Variants in HERC3 observed in about 807,000 individuals in gnomAD.
The protein encoded by HERC3 is HECT and RLD domain containing E3 ubiquitin protein ligase 3.
A neutral mutation model predicts 129.9 loss-of-function variants in HERC3; 58 were observed. That is an observed-to-expected ratio of 0.45 (90% CI 0.36 to 0.56). The LOEUF (loss-of-function observed/expected upper bound fraction) is 0.56. Among genes scored for constraint, HERC3 ranks in the 20% least tolerant of loss-of-function variants. The probability of loss-of-function intolerance (pLI) is 0.00; values close to 1 mark genes in which losing one functional copy is unlikely to be tolerated. For synonymous variants in HERC3, 430 were observed against 451.0 expected, an observed-to-expected ratio of 0.95 and a Z score of 0.59; for missense variants, 835 against 1,244.2, an observed-to-expected ratio of 0.67 and a Z score of 4.95.
chr4:88,541,239 G>A, the HERC3 span, among the ~76,000 whole-genome samples: 1 of 152,076 alleles, frequency 6.6e-6, no homozygotes, highest in Non-Finnish European at 1.5e-5. Flanking sequence ...TAATGGGATG[G>A]AGGAAGATCT....
intron 11 of HERC3, among the ~76,000 whole-genome samples, chr4:88,663,589 A>G (rs1730732303): frequency 6.6e-6 from 1 of 151,944 alleles, no homozygotes. Flanking sequence ...TTTTCCTTAC[A>G]CTGAATGGAA....
intron 3 of HERC3, among the ~76,000 whole-genome samples, chr4:88,647,279 A>G (rs1164937517): frequency 6.6e-6 from 1 of 152,184 alleles, no homozygotes; most frequent in East Asian, 1.9e-4. Flanking sequence ...TTCTGTCAGG[A>G]TAGTGGGGAA....
chr4:88,704,916 A>T (rs1414157559), intron 25 of HERC3, among the ~76,000 whole-genome samples: 5 of 145,134 alleles, frequency 3.4e-5, no homozygotes, highest in Non-Finnish European at 7.4e-5. Flanking sequence ...GCTGGAGTGC[A>T]GTGGCGTGAT....
At chr4:88,644,759 T>C (rs983834300) in intron 3 of HERC3, among the ~76,000 whole-genome samples, 5 of 152,148 alleles carry the variant, frequency 3.3e-5, no homozygotes, top group Non-Finnish European at 1.5e-5. Flanking sequence ...TCAAGTTTAT[T>C]CTATGATAAT....
chr4:88,606,258 T>C (rs962950276), intron 3 of HERC3, among the ~76,000 whole-genome samples: 57 of 150,820 alleles, frequency 3.8e-4, no homozygotes, highest in Middle Eastern at 3.4e-3. Flanking sequence ...CTTTTCTTTT[T>C]TTTTTTTTTT....
Position 88,653,018 on chromosome 4 carries a change from CTG to C in HERC3, c.615_616del (p.Ser208ArgfsTer10). ...TGCCGGAGGGGCTCACAGCTTTGCC[CTG>C]TCTCTCTCAGGAGCTGTTTTTGGCT... ...VAAGGAHSFA[L>X]SLSGAVFGWG... On this transcript the variant is annotated frameshift_variant, in exon 6 of 26. Transcript: ENST00000402738. LOFTEE classifies it high-confidence loss of function. The C allele has an allele frequency of 6.2e-7, 1 of 1,614,228 alleles. No homozygotes were observed. Among genetic ancestry groups the C allele is most frequent in the Non-Finnish European group, 8.5e-7 (1 of 1,180,030 alleles).
chr4:88,601,960 G>A (rs1188355379), intron 2 of HERC3, among the ~76,000 whole-genome samples: 2 of 119,540 alleles, frequency 1.7e-5, no homozygotes, highest in Non-Finnish European at 1.5e-5. Flanking sequence ...GGAGGCTGAG[G>A]CAGGAGAATG....
intron 8 of HERC3, 28 bp downstream of exon 8, chr4:88,655,332 T>C (rs969278887): frequency 1.2e-6 from 2 of 1,611,598 alleles, no homozygotes; most frequent in Non-Finnish European, 1.7e-6. Flanking sequence ...CTTGCTTGTA[T>C]TCACTAGGAC....
rs1725408834 is a variant in HERC3 at position 88,620,605 on chromosome 4, T to G, written c.226+14556T>G. ...GTCCAAGTTACCATCATATCTCACC[T>G]GGATCATTGCAGTCATTTCTAATTG... On this transcript the variant is annotated intron_variant, in intron 3 of 25. Transcript: ENST00000402738. Among the ~76,000 whole-genome samples, 15 of 152,194 alleles carry G rather than the reference T, an allele frequency of 9.9e-5. No individual in the cohort carries two copies. The South Asian group carries it at 3.1e-3, about 31-fold the overall frequency.
At chr4:88,685,726 C>G (rs1357410083) in intron 21 of HERC3, among the ~76,000 whole-genome samples, 1 of 151,890 alleles carries the variant, frequency 6.6e-6, no homozygotes, top group African/African-American at 2.4e-5. Context: ...TGTAACAAAC[C>G]TGCACGTTCT....
intron 23 of HERC3, among the ~76,000 whole-genome samples, chr4:88,692,039 G>GAA (rs1734125152): frequency 6.6e-6 from 1 of 152,198 alleles, no homozygotes; most frequent in Admixed American, 6.5e-5. Context: ...TCCTTGGACA[G>GAA]AACCTACACA....
intron 7 of HERC3, among the ~76,000 whole-genome samples, chr4:88,654,346 TTTCATATATATATATATATATATATA>T (rs1259120179): frequency 2.5e-5 from 2 of 79,728 alleles, no homozygotes; most frequent in African/African-American, 6.4e-5. Flanking sequence ...CTTGTAGATT[TTTCATATATATATATATATATATATA>T]TATATATATA....
chr4:88,593,079 A>T (rs1475259899), intron 1 of HERC3, among the ~76,000 whole-genome samples: 3 of 150,276 alleles, frequency 2.0e-5, no homozygotes, highest in Non-Finnish European at 3.0e-5. Flanking sequence ...ATTTTGGGGA[A>T]CCTCAGCGGC....
intron 3 of HERC3, among the ~76,000 whole-genome samples, chr4:88,643,482 AGGCTTACTATAGAG>A (rs1217935890): frequency 4.6e-5 from 7 of 152,242 alleles, no homozygotes; most frequent in African/African-American, 1.7e-4. Flanking sequence ...CCTGATTTTA[AGGCTTACTATAGAG>A]GTATAGTAAT....
chr4:88,612,327 G>GTGTGTGT (rs1560675020), intron 3 of HERC3, among the ~76,000 whole-genome samples: 20 of 149,686 alleles, frequency 1.3e-4, no homozygotes, highest in South Asian at 2.1e-4. Flanking sequence ...GTGTGTGTGT[G>GTGTGTGT]GTAAGAAGGA....
the HERC3 span, among the ~76,000 whole-genome samples, chr4:88,526,393 T>A: frequency 2.4e-4 from 37 of 152,302 alleles, no homozygotes; most frequent in East Asian, 7.1e-3. Flanking sequence ...TCCAAAGAAA[T>A]GAGTCAAAAT....
intron 3 of HERC3, among the ~76,000 whole-genome samples, chr4:88,607,658 G>A (rs977460794): frequency 4.3e-4 from 65 of 152,064 alleles, no homozygotes; most frequent in Admixed American, 7.2e-4. Context: ...TAGTAGAGAC[G>A]GAGTTTTGCC....
chr4:88,706,493 T>G (rs1173861802), intron 25 of HERC3, among the ~76,000 whole-genome samples: 2 of 152,172 alleles, frequency 1.3e-5, no homozygotes, highest in Non-Finnish European at 2.9e-5. Flanking sequence ...TCAGCTCCTC[T>G]TTTCCTATGA....
At chr4:88,560,330 C>G in the HERC3 span, among the ~76,000 whole-genome samples, 1 of 152,128 alleles carries the variant, frequency 6.6e-6, no homozygotes, top group African/African-American at 2.4e-5. Flanking sequence ...TTAAATTTCT[C>G]TGATGATTAA....
Sources: allele counts gnomAD v4.1 joint callset (sites outside exome capture counted in the v4.1 genomes callset), GRCh38; gene constraint gnomAD v4.1.1; transcripts MANE v1.5; gene names NCBI Gene and HGNC (gene_info 2026-07-23, HGNC 2026-07-21).